Variants in MICAL2 observed in about 807,000 individuals in gnomAD.
MICAL2 encodes microtubule associated monooxygenase, calponin and LIM domain containing 2.
In MICAL2, 77 loss-of-function variants were observed where a neutral mutation model predicts 127.3. The ratio of observed to expected loss-of-function variants is 0.60; its 90% CI spans 0.50 to 0.73. The LOEUF is 0.73. MICAL2 is among the 30% of genes least tolerant of loss of function. The pLI is 0.00. For synonymous variants in MICAL2, 570 were observed against 551.1 expected (o/e 1.03, Z -0.48); for missense variants, 1,351 against 1,434.4 (o/e 0.94, Z 0.94).
At chr11:12,287,514 G>C (rs1218198214), downstream of MICAL2, among the ~76,000 whole-genome samples, 2 of 152,088 alleles carry the variant, frequency 1.3e-5, no homozygotes, top group Non-Finnish European at 2.9e-5. Context: ...TCTATGATTT[G>C]ATTCTGTACA....
intron 29 of MICAL2, among the ~76,000 whole-genome samples, chr11:12,301,159 G>A (rs1010855785): frequency 1.8e-4 from 28 of 152,216 alleles, no homozygotes; most frequent in African/African-American, 5.3e-4. Context: ...TCACTATCAC[G>A]AGACTAGCAC....
At chr11:12,267,177 T>G (rs1473748792), downstream of MICAL2, among the ~76,000 whole-genome samples, 3 of 152,158 alleles carry the variant, frequency 2.0e-5, no homozygotes, top group Non-Finnish European at 1.5e-5. Flanking sequence ...CGGTGGACTT[T>G]GGTTTTGCCT....
chr11:12,127,327 T>C (rs1236766625), intron 1 of MICAL2, among the ~76,000 whole-genome samples: 1 of 152,188 alleles, frequency 6.6e-6, no homozygotes, highest in Non-Finnish European at 1.5e-5. Context: ...ATTCAGCAGG[T>C]ATTTATGAGC....
intron 29 of MICAL2, among the ~76,000 whole-genome samples, chr11:12,305,103 T>C (rs996442050): frequency 1.3e-5 from 2 of 152,130 alleles, no homozygotes; most frequent in Non-Finnish European, 2.9e-5. Flanking sequence ...TGGATAATAC[T>C]GTATTAGTGC....
At chr11:12,293,881 TGGA>T, downstream of MICAL2, 3 of 1,610,438 alleles carry the variant, frequency 1.9e-6, no homozygotes, top group Non-Finnish European at 2.5e-6. Context: ...CTCCCTTGGC[TGGA>T]GAAGACCGGG....
chr11:12,116,431 A>G (rs1252415542), intron 1 of MICAL2, among the ~76,000 whole-genome samples: 1 of 149,840 alleles, frequency 6.7e-6, no homozygotes, highest in African/African-American at 2.5e-5. Flanking sequence ...GAGTGCTAAG[A>G]CAAGGCAGGG....
At chr11:12,287,618 C>T (rs574642376), downstream of MICAL2, among the ~76,000 whole-genome samples, 12 of 152,162 alleles carry the variant, frequency 7.9e-5, no homozygotes, top group East Asian at 1.9e-4. Flanking sequence ...CACATGCACA[C>T]GCACACACAC....
intron 15 of MICAL2, among the ~76,000 whole-genome samples, chr11:12,235,136 G>T (rs1011035514): frequency 3.9e-5 from 6 of 152,104 alleles, no homozygotes; most frequent in Non-Finnish European, 8.8e-5. Context: ...AGAAAAGGAT[G>T]GGGGAGCCTA....
intron 32 of MICAL2, among the ~76,000 whole-genome samples, chr11:12,348,318 T>G (rs1033319991): frequency 1.3e-5 from 2 of 152,164 alleles, no homozygotes; most frequent in African/African-American, 4.8e-5. Context: ...CAAATTTGTG[T>G]TTTTTGGAAC....
chr11:12,291,794 C>T (rs370557341), downstream of MICAL2, among the ~76,000 whole-genome samples: 1 of 152,226 alleles, frequency 6.6e-6, no homozygotes, highest in Admixed American at 6.5e-5. Context: ...TAACACAGCC[C>T]AGCTCCCAAC....
intron 29 of MICAL2, among the ~76,000 whole-genome samples, chr11:12,305,306 C>A (rs1379744327): frequency 6.6e-6 from 1 of 152,086 alleles, no homozygotes; most frequent in East Asian, 1.9e-4. Context: ...GGGAAGACCC[C>A]CTTATATAAC....
intron 3 of MICAL2, 132 bp downstream of exon 3, chr11:12,162,551 G>A (rs779533514): frequency 6.0e-5 from 71 of 1,175,512 alleles, no homozygotes; most frequent in Middle Eastern, 2.2e-4. Flanking sequence ...GTTTTCCTCC[G>A]GTAAAGGTTT....
At chr11:12,300,713 T>C (rs1447223932) in intron 29 of MICAL2, among the ~76,000 whole-genome samples, 1 of 152,156 alleles carries the variant, frequency 6.6e-6, no homozygotes, top group Admixed American at 6.5e-5. Context: ...CCCTGAGCTA[T>C]AGATGAGACC....
chr11:12,269,128 G>T (rs1459886863), intron 24 of MICAL2, among the ~76,000 whole-genome samples: 2 of 152,202 alleles, frequency 1.3e-5, no homozygotes, highest in Non-Finnish European at 2.9e-5. Context: ...GGGGACATGT[G>T]GCAGCTGGAC....
chr11:12,209,635 T>C (rs1408959882), intron 6 of MICAL2, 37 bp downstream of exon 6: 2 of 1,540,716 alleles, frequency 1.3e-6, no homozygotes, highest in Admixed American at 3.3e-5. Context: ...AATGGGGGGA[T>C]GGGAATGGGA....
chr11:12,200,355 T>G (rs960295479), intron 3 of MICAL2, among the ~76,000 whole-genome samples: 1 of 152,330 alleles, frequency 6.6e-6, no homozygotes. Flanking sequence ...GGTCGAGTTA[T>G]CACAACCCTT....
At chr11:12,215,741 G>A (rs551965840) in intron 7 of MICAL2, among the ~76,000 whole-genome samples, 18 of 152,306 alleles carry the variant, frequency 1.2e-4, no homozygotes, top group Admixed American at 5.2e-4. Context: ...CACTGCACTC[G>A]GGTTTTCACA....
downstream of MICAL2, chr11:12,294,179 A>G (rs762482151): frequency 5.0e-6 from 8 of 1,613,890 alleles, no homozygotes; most frequent in African/African-American, 9.3e-5. Context: ...CCAGGAGAAG[A>G]TGGGGACCCC....
intron 32 of MICAL2, among the ~76,000 whole-genome samples, chr11:12,337,181 G>A (rs896065780): frequency 9.9e-5 from 15 of 152,126 alleles, no homozygotes; most frequent in East Asian, 1.9e-4. Flanking sequence ...TTTAGTCTTC[G>A]GAGGGTGTAT....
Sources: gnomAD v4.1 joint callset for allele counts (sites outside exome capture counted in the v4.1 genomes callset) on GRCh38, gnomAD v4.1.1 for gene constraint, MANE v1.5 for transcripts, NCBI Gene and HGNC (gene_info 2026-07-23, HGNC 2026-07-21) for gene names.